EYA2: variants seen among roughly 807,000 people sequenced by gnomAD.
The protein encoded by EYA2 is protein phosphatase EYA2.
A neutral mutation model predicts 69.2 loss-of-function variants in EYA2; 31 were observed. That is an observed-to-expected ratio of 0.45 (90% CI 0.34 to 0.60). EYA2 has a LOEUF of 0.60. Ranked by LOEUF, EYA2 falls within the 20% of genes least tolerant of loss-of-function variation. EYA2 has a pLI of 0.02. For synonymous variants in EYA2, 257 were observed against 279.4 expected (o/e 0.92, Z 0.80); for missense variants, 622 against 701.2 (o/e 0.89, Z 1.28).
chr20:46,986,272 T>C (rs949091368), intron 1 of EYA2, among the ~76,000 whole-genome samples: 1 of 148,258 alleles, frequency 6.7e-6, no homozygotes, highest in South Asian at 2.1e-4. Context: ...TGGAGATATA[T>C]ATATAATATA....
At chr20:47,089,663 G>A (rs1378941762) in intron 8 of EYA2, among the ~76,000 whole-genome samples, 1 of 152,188 alleles carries the variant, frequency 6.6e-6, no homozygotes, top group Non-Finnish European at 1.5e-5. Context: ...TTCCAATTCA[G>A]CAGATCTGGG....
At chr20:46,953,374 C>T (rs1978918910) in intron 1 of EYA2, among the ~76,000 whole-genome samples, 1 of 152,092 alleles carries the variant, frequency 6.6e-6, no homozygotes, top group Non-Finnish European at 1.5e-5. Flanking sequence ...AGTGTTAGAA[C>T]AAAATCTTGG....
intron 5 of EYA2, among the ~76,000 whole-genome samples, chr20:47,060,744 G>A (rs2030841502): frequency 6.6e-6 from 1 of 152,158 alleles, no homozygotes; most frequent in Non-Finnish European, 1.5e-5. Flanking sequence ...TCCCTCACTG[G>A]TGTTGCTTGC....
intron 9 of EYA2, among the ~76,000 whole-genome samples, chr20:47,111,991 A>G (rs559518135): frequency 1.3e-5 from 2 of 152,134 alleles, no homozygotes; most frequent in Admixed American, 6.5e-5. Context: ...TTTTCAAAAA[A>G]TTAGCCAGGC....
At chr20:47,180,984 G>T (rs748716968) in intron 14 of EYA2, 48 bp downstream of exon 14, 20 of 1,592,944 alleles carry the variant, frequency 1.3e-5, no homozygotes, top group Non-Finnish European at 1.5e-5. Flanking sequence ...GGAGGGTGGG[G>T]TTAGCTTTCC....
chr20:47,044,780 A>G (rs1313360669), intron 5 of EYA2, among the ~76,000 whole-genome samples: 2 of 152,314 alleles, frequency 1.3e-5, no homozygotes, highest in South Asian at 2.1e-4. Flanking sequence ...TTTGAGTCAC[A>G]GGGAGGCAGA....
chr20:46,925,322 A>T (rs1175593793), intron 1 of EYA2, among the ~76,000 whole-genome samples: 1 of 152,214 alleles, frequency 6.6e-6, no homozygotes, highest in Non-Finnish European at 1.5e-5. Context: ...GAAAGAAAAG[A>T]TTCATGACTG....
At chr20:47,159,475 G>A (rs146359419) in intron 10 of EYA2, among the ~76,000 whole-genome samples, 3 of 152,126 alleles carry the variant, frequency 2.0e-5, no homozygotes, top group Non-Finnish European at 4.4e-5. Flanking sequence ...GGACAACTAC[G>A]TGTCATGTGA....
chr20:47,067,607 A>G (rs766811395), intron 5 of EYA2, among the ~76,000 whole-genome samples: 2 of 152,212 alleles, frequency 1.3e-5, no homozygotes, highest in Non-Finnish European at 2.9e-5. Flanking sequence ...AAATTTTTAA[A>G]TTAAAAAAAA....
intron 1 of EYA2, among the ~76,000 whole-genome samples, chr20:46,907,282 G>A (rs542274198): frequency 6.6e-6 from 1 of 152,342 alleles, no homozygotes; most frequent in South Asian, 2.1e-4. Context: ...AAATAGCTCA[G>A]GTTTTTCCAG....
intron 9 of EYA2, among the ~76,000 whole-genome samples, chr20:47,101,402 A>C (rs1490108537): frequency 6.6e-6 from 1 of 152,164 alleles, no homozygotes; most frequent in Non-Finnish European, 1.5e-5. Context: ...CACTTTTTTA[A>C]AGGCCAGACT....
At chr20:47,169,977 C>T (rs2034285711) in intron 11 of EYA2, among the ~76,000 whole-genome samples, 1 of 152,122 alleles carries the variant, frequency 6.6e-6, no homozygotes, top group Non-Finnish European at 1.5e-5. Flanking sequence ...GTGATCTCAG[C>T]TCACTGCAAC....
chr20:47,164,421 G>C (rs563212176), intron 10 of EYA2, among the ~76,000 whole-genome samples: 2 of 152,312 alleles, frequency 1.3e-5, no homozygotes, highest in African/African-American at 4.8e-5. Flanking sequence ...CCTGCCCAGA[G>C]GCCTGAGCCC....
At chr20:47,052,714 TG>T (rs1277742189) in intron 5 of EYA2, among the ~76,000 whole-genome samples, 1 of 152,122 alleles carries the variant, frequency 6.6e-6, no homozygotes, top group Non-Finnish European at 1.5e-5. Context: ...CCTTGACCTC[TG>T]GGTTCAAGCA....
intron 1 of EYA2, among the ~76,000 whole-genome samples, chr20:46,949,004 C>T (rs1206753): frequency 0.98 from 149,581 of 152,346 alleles, 73,443 homozygotes; most frequent in East Asian, 1. Flanking sequence ...GCTAATGTTA[C>T]TCGCATTGTA....
At chr20:47,075,381 C>G (rs1237322115) in intron 7 of EYA2, among the ~76,000 whole-genome samples, 1 of 152,120 alleles carries the variant, frequency 6.6e-6, no homozygotes, top group Non-Finnish European at 1.5e-5. Flanking sequence ...ATTATCCCCA[C>G]CCTTTTTCTA....
chr20:47,057,966 T>C (rs1255640786), intron 5 of EYA2, among the ~76,000 whole-genome samples: 1 of 152,192 alleles, frequency 6.6e-6, no homozygotes, highest in African/African-American at 2.4e-5. Context: ...AGATAATGCA[T>C]GCAAACTGAT....
chr20:46,900,675 TC>T (rs1600526218), intron 1 of EYA2, among the ~76,000 whole-genome samples: 1 of 152,370 alleles, frequency 6.6e-6, no homozygotes, highest in Non-Finnish European at 1.5e-5. Context: ...TCTCTCATAC[TC>T]CGTTACCAAA....
At chr20:47,132,717 G>A (rs934108310) in intron 9 of EYA2, among the ~76,000 whole-genome samples, 1 of 152,194 alleles carries the variant, frequency 6.6e-6, no homozygotes, top group African/African-American at 2.4e-5. Context: ...TGTGAATGAT[G>A]GAGGCAATTT....
Sources: gnomAD v4.1 joint callset for allele counts (sites outside exome capture counted in the v4.1 genomes callset) on GRCh38, gnomAD v4.1.1 for gene constraint, MANE v1.5 for transcripts, NCBI Gene and HGNC (gene_info 2026-07-23, HGNC 2026-07-21) for gene names.